Variants in MIP observed in about 807,000 individuals in gnomAD.
MIP encodes major intrinsic protein of lens fiber.
Under a neutral mutation model 21.8 loss-of-function variants are expected in MIP, and 14 were observed. That is an observed-to-expected ratio of 0.64 (90% CI 0.42 to 1.00). The LOEUF is 1.00. MIP is among the 50% of genes least tolerant of loss of function. MIP has a pLI of 0.00. For missense variants in MIP, 260 were observed against 333.5 expected, an observed-to-expected ratio of 0.78 and a Z score of 1.72; for synonymous variants, 133 against 141.4, an observed-to-expected ratio of 0.94 and a Z score of 0.42.
intron 3 of MIP, 32 bp downstream of exon 3, chr12:56,453,040 C>T (rs1394854209): frequency 6.9e-7 from 1 of 1,457,338 alleles, no homozygotes; most frequent in Non-Finnish European, 9.6e-7. Flanking sequence ...TCCAGAAGGG[C>T]TTCAGGATCT....
rs1868725597 is a variant in MIP, at chr12:56,454,319, C to A, written c.295G>T (p.Ala99Ser). The stretch of plus-strand genomic sequence containing the variant: ...ACGCTATACAGCACAGCGGCCCCAG[C>A]CACAGCTCCCAGGAGCTGGGCTGCC... ...YMAAQLLGAVAGAAVLYSVTP... is the reference protein window; with the variant it reads ...YMAAQLLGAVSGAAVLYSVTP... The change falls in exon 1 of 4, where the codon GCT becomes TCT. Residue 99 changes from alanine to serine, a missense_variant. By Grantham distance (99) the Ala-to-Ser change is moderately conservative. Transcript: ENST00000652304. The A allele has an allele frequency of 6.2e-7, 1 of 1,613,782 alleles. No individual in the cohort carries two copies. The highest frequency in any genetic ancestry group is 8.5e-7 in the Non-Finnish European group (1 of 1,180,034).
chr12:56,454,169 G>A lies in MIP; in HGVS notation c.360+85C>T, dbSNP rs1448601147. 6.4e-6 allele frequency: 10 copies of A among 1,567,850 alleles called. 1 individual carries two copies. The South Asian group carries it at 7.9e-5, about 12-fold the overall frequency. ...ACATATTGTCCCAGACCCCAGGGGA[G>A]CTGATTCACCTGCACCAGTCAGGGA... is the stretch of plus-strand genomic sequence containing the variant. On this transcript the variant is annotated intron_variant, in intron 1 of 3. Transcript: ENST00000652304.
At chr12:56,452,085 T>G (rs1868638870) in intron 3 of MIP, among the ~76,000 whole-genome samples, 1 of 152,140 alleles carries the variant, frequency 6.6e-6, no homozygotes, top group Non-Finnish European at 1.5e-5. Context: ...AGTGTACAGT[T>G]TAGTAGTGTT....
rs35639464 is a variant in MIP, at chr12:56,451,131, GAAA to G, written c.*146_*148del. 1,011 of 561,208 alleles carry G rather than the reference GAAA, an allele frequency of 1.8e-3. No homozygotes were observed. Among genetic ancestry groups the G allele is most frequent in the Non-Finnish European group, 2.1e-3 (712 of 331,190 alleles). 34.8% of individuals were successfully genotyped at this position (561,208 alleles called of 1,614,324 possible). A position where few individuals can be genotyped will look rare whatever the true frequency, so the allele number is the denominator to read the frequency against. On this transcript the variant is annotated 3_prime_UTR_variant, in exon 4 of 4. Transcript: ENST00000652304. ...CTTGAAAGATTTCACACAGCAAAAGGAAAAAAAAAAAAAAAACAACCACATACA... is the reference window on the plus strand; with the variant it reads ...CTTGAAAGATTTCACACAGCAAAAGGAAAAAAAAAAAAACAACCACATACA...
In MIP at chr12:56,449,838, GTC is replaced by G. The variant is rs1355280651; in HGVS notation, c.*1440_*1441del. 2 of 152,128 alleles carry G rather than the reference GTC, an allele frequency of 1.3e-5. No homozygotes were observed. Among genetic ancestry groups the G allele is most frequent in the African/African-American group, 4.8e-5 (2 of 41,414 alleles). 9.4% of individuals were successfully genotyped at this position (152,128 alleles called of 1,614,324 possible). A position where few individuals can be genotyped will look rare whatever the true frequency, so the allele number is the denominator to read the frequency against. The stretch of plus-strand genomic sequence containing the variant: ...GTAAATATTCATTGAACAGTTGAGG[GTC>G]TCTTCTGGCCTCTGCTGAGATGATC... On this transcript the variant is annotated 3_prime_UTR_variant, in exon 4 of 4. Transcript: ENST00000652304.
At chr12:56,452,839 A>G in intron 3 of MIP, 1 of 571,532 alleles carries the variant, frequency 1.7e-6, no homozygotes, top group South Asian at 2.0e-5. Flanking sequence ...GTGAATACTC[A>G]GTGCATACTC....
Position 56,453,690 on chromosome 12 carries a change from C to A in MIP, c.426G>T (p.Val142=), listed in dbSNP as rs771464609. ...TVEIFLTLQF[V]LCIFATYDER... is the part of the protein sequence containing the mutation. ...CGTCGTATGTGGCAAAGATGCAGAG[C>A]ACGAACTGGAGCGTCAGGAAGATCT... is the stretch of plus-strand genomic sequence containing the variant. The change falls in exon 2 of 4, where the codon GTG becomes GTT. Residue 142 remains valine (V), a synonymous_variant. Coordinates refer to ENST00000652304, the MANE Select transcript of MIP (RefSeq NM_012064.4). 6.2e-7 allele frequency: 1 copy of A among 1,614,156 alleles called. No homozygotes were observed. The highest frequency in any genetic ancestry group is 1.7e-5 in the Admixed American group (1 of 60,016).
chr12:56,454,137 C>T, intron 1 of MIP, 117 bp downstream of exon 1: 1 of 1,402,418 alleles, frequency 7.1e-7, no homozygotes, highest in Non-Finnish European at 1.0e-6. Flanking sequence ...CACATGCTCA[C>T]ACATGCACAT....
intron 3 of MIP, 28 bp from the exon 4 acceptor site, chr12:56,451,493 G>C (rs906568175): frequency 6.2e-7 from 1 of 1,607,020 alleles, no homozygotes; most frequent in African/African-American, 1.3e-5. Flanking sequence ...GAATACTCAG[G>C]CTTGGGGAGG....
upstream of MIP, among the ~76,000 whole-genome samples, chr12:56,454,897 G>A (rs558965659): frequency 9.8e-5 from 15 of 152,314 alleles, no homozygotes; most frequent in South Asian, 6.2e-4. Flanking sequence ...AAGTGGGGGT[G>A]AAGAACAGCA....
In MIP at chr12:56,449,794, TAAAAG is replaced by T. The variant is rs1868522336; in HGVS notation, c.*1481_*1485del. 1 of 152,118 alleles carries T rather than the reference TAAAAG, an allele frequency of 6.6e-6. No individual in the cohort carries two copies. The highest frequency in any genetic ancestry group is 2.4e-5 in the African/African-American group (1 of 41,426). 9.4% of individuals were successfully genotyped at this position (152,118 alleles called of 1,614,324 possible). ...GCTTTCAAAGTATGCAAGAGGCTCA[TAAAAG>T]GAAGAAAGCAACCGTAAATATTCAT... On this transcript the variant is annotated 3_prime_UTR_variant, in exon 4 of 4. Coordinates refer to ENST00000652304, the MANE Select transcript of MIP (RefSeq NM_012064.4).
intron 1 of MIP, 30 bp downstream of exon 1, chr12:56,454,224 G>C (rs1868719895): frequency 6.2e-7 from 1 of 1,613,826 alleles, no homozygotes; most frequent in African/African-American, 1.3e-5. Context: ...AGGACACCAG[G>C]TTCCCCATCC....
At position 56,450,314 on chromosome 12, in the gene MIP, C is replaced by T. The variant is rs1045574359; in HGVS notation, c.*966G>A. ...GTCAAAGCCTCTCCCCTCATGCCCC[C>T]TACTACCACCCGTTCATTTATTTGC... On this transcript the variant is annotated 3_prime_UTR_variant, in exon 4 of 4. Coordinates refer to ENST00000652304, the MANE Select transcript of MIP (RefSeq NM_012064.4). The T allele has an allele frequency of 2.0e-5, 3 of 152,318 alleles. No homozygotes were observed. In the East Asian group the frequency reaches 5.8e-4, roughly 29 times the overall value. The allele number at this position is 152,318 out of a possible 1,614,324, so 9.4% of individuals were successfully genotyped here. A position where few individuals can be genotyped will look rare whatever the true frequency, so the allele number is the denominator to read the frequency against.
intron 1 of MIP, 93 bp from the exon 2 acceptor site, chr12:56,453,848 C>A: frequency 7.6e-7 from 1 of 1,314,438 alleles, no homozygotes; most frequent in Non-Finnish European, 1.1e-6. Context: ...GTTACGGCAT[C>A]AGGTCCGTGG....
At chr12:56,456,094 C>T (rs921243180), upstream of MIP, among the ~76,000 whole-genome samples, 1 of 152,178 alleles carries the variant, frequency 6.6e-6, no homozygotes, top group Non-Finnish European at 1.5e-5. Context: ...CACTAGAAGT[C>T]ATTGGAATCT....
chr12:56,453,950 C>A (rs1327164491), intron 1 of MIP, among the ~76,000 whole-genome samples, 195 bp from the exon 2 acceptor site: 1 of 152,160 alleles, frequency 6.6e-6, no homozygotes, highest in Admixed American at 6.6e-5. Context: ...ATGATTGCAG[C>A]CACTTACATG....
intron 1 of MIP, among the ~76,000 whole-genome samples, 180 bp from the exon 2 acceptor site, chr12:56,453,935 T>C (rs954950810): frequency 2.0e-5 from 3 of 152,150 alleles, no homozygotes; most frequent in Non-Finnish European, 2.9e-5. Context: ...TCCTTCATGA[T>C]GGAAATGATT....
chr12:56,454,557 G>A lies in MIP; in HGVS notation c.57C>T (p.Ala19=). The A allele has an allele frequency of 6.2e-7, 1 of 1,614,048 alleles. No individual in the cohort carries two copies. The highest frequency in any genetic ancestry group is 8.5e-7 in the Non-Finnish European group (1 of 1,179,954). ...FWRAIFAEFF[A]TLFYVFFGLG... ...GCCCAAAGAAGACATAGAAGAGGGT[G>A]GCAAAGAACTCAGCGAATATGGCCC... The change falls in exon 1 of 4, where the codon GCC becomes GCT. Residue 19 remains alanine (A), a synonymous_variant. Coordinates refer to ENST00000652304, the MANE Select transcript of MIP (RefSeq NM_012064.4).
intron 1 of MIP, 26 bp downstream of exon 1, chr12:56,454,228 C>T: frequency 6.2e-7 from 1 of 1,613,916 alleles, no homozygotes; most frequent in Non-Finnish European, 8.5e-7. Flanking sequence ...CACCAGGTTC[C>T]CCATCCCCTC....
Sources: gnomAD v4.1 joint callset for allele counts (sites outside exome capture counted in the v4.1 genomes callset) on GRCh38, gnomAD v4.1.1 for gene constraint, MANE v1.5 for transcripts, NCBI Gene and HGNC (gene_info 2026-07-23, HGNC 2026-07-21) for gene names.